Variants in SAMD7 observed in about 807,000 individuals in gnomAD.
SAMD7 encodes the protein sterile alpha motif domain containing 7.
A neutral mutation model predicts 36.7 loss-of-function variants in SAMD7; 34 were observed. The ratio of observed to expected loss-of-function variants is 0.93; its 90% CI spans 0.71 to 1.23. SAMD7 has a LOEUF of 1.23. Among genes scored for constraint, SAMD7 ranks in the 50% most tolerant of loss-of-function variants. The probability of loss-of-function intolerance (pLI) is 0.00; values close to 1 mark genes in which losing one functional copy is unlikely to be tolerated. For synonymous variants in SAMD7, 188 were observed against 189.7 expected, an observed-to-expected ratio of 0.99 and a Z score of 0.07; for missense variants, 570 against 546.6, an observed-to-expected ratio of 1.04 and a Z score of -0.43.
At chr3:169,928,398 A>G (rs560883486) in intron 6 of SAMD7, 59 bp from the exon 7 acceptor site, 2 of 1,469,530 alleles carry the variant, frequency 1.4e-6, no homozygotes, top group Non-Finnish European at 1.9e-6. Context: ...TAAGGAAATT[A>G]ATGTAACTAT....
chr3:169,924,121 A>G (rs1470793497), intron 4 of SAMD7, among the ~76,000 whole-genome samples: 1 of 152,088 alleles, frequency 6.6e-6, no homozygotes, highest in Admixed American at 6.6e-5. Context: ...TGAACTACAA[A>G]AAACCTAGAG....
intron 2 of SAMD7, among the ~76,000 whole-genome samples, chr3:169,916,185 G>T (rs755732540): frequency 5.9e-5 from 9 of 152,178 alleles, no homozygotes; most frequent in Non-Finnish European, 1.2e-4. Context: ...GACAAATACT[G>T]CATGATTCTT....
chr3:169,934,848 T>C (rs749373917), intron 7 of SAMD7, among the ~76,000 whole-genome samples: 6 of 151,984 alleles, frequency 3.9e-5, no homozygotes, highest in Admixed American at 2.0e-4. Flanking sequence ...CCTATAAAAA[T>C]GGACAAAGAA....
chr3:169,926,776 C>G lies in SAMD7; in HGVS notation c.514C>G (p.His172Asp), dbSNP rs1322829374. The G allele has an allele frequency of 1.7e-5, 27 of 1,613,846 alleles. No individual in the cohort carries two copies. The highest frequency in any genetic ancestry group is 2.2e-5 in the Non-Finnish European group (26 of 1,180,006). ...CCCCATGCTAGCGGCAACTGCACCA[C>G]ACTTTGAGGAGAGCTGGGGGCAGAG... ...GNPMLAATAP[H>D]FEESWGQRCR... Residue 172 changes from histidine (H) to aspartate (D), a missense_variant, in exon 6 of 9, where the codon CAC becomes GAC. Coordinates refer to ENST00000335556, the MANE Select transcript of SAMD7 (RefSeq NM_001304366.2).
chr3:169,921,931 TA>T (rs1713063406), intron 4 of SAMD7, among the ~76,000 whole-genome samples: 1 of 152,198 alleles, frequency 6.6e-6, no homozygotes, highest in Non-Finnish European at 1.5e-5. Context: ...CTAAATCCTG[TA>T]ATTATTTTGA....
intron 4 of SAMD7, 56 bp downstream of exon 4, chr3:169,921,394 T>C (rs1713038130): frequency 3.2e-6 from 5 of 1,562,586 alleles, no homozygotes; most frequent in Non-Finnish European, 4.4e-6. Context: ...ACTGGATGGA[T>C]GCATTAAGTT....
At position 169,927,001 on chromosome 3, in the gene SAMD7, G is replaced by A; in HGVS notation, c.739G>A (p.Ala247Thr). Reference protein sequence around the residue: ...SSETNEKPTTALANTCGELEP... With the variant: ...SSETNEKPTTTLANTCGELEP... The stretch of plus-strand genomic sequence containing the variant: ...TGAAACGAATGAAAAGCCAACGACA[G>A]CTCTTGCCAACACCTGTGGAGAGCT... The change falls in exon 6 of 9, where the codon GCT (alanine) becomes ACT (threonine). Residue 247 changes from alanine to threonine, a missense_variant. Ala to Thr is a moderately conservative substitution (Grantham distance 58, BLOSUM62 0). Transcript: ENST00000335556. 6.2e-7 allele frequency: 1 copy of A among 1,613,910 alleles called. No homozygotes were observed. The highest frequency in any genetic ancestry group is 8.5e-7 in the Non-Finnish European group (1 of 1,179,986).
chr3:169,914,336 A>G (rs1250313527), intron 1 of SAMD7, among the ~76,000 whole-genome samples: 4 of 152,220 alleles, frequency 2.6e-5, no homozygotes, highest in Admixed American at 6.5e-5. Flanking sequence ...AAACTAGGCA[A>G]TCCTTTTCTT....
chr3:169,925,366 C>A (rs1267402191), intron 5 of SAMD7, among the ~76,000 whole-genome samples: 1 of 131,822 alleles, frequency 7.6e-6, no homozygotes, highest in African/African-American at 3.1e-5. Context: ...CTTGCTTTCA[C>A]TTAAAAAAAA....
At chr3:169,933,294 A>G (rs1713589623) in intron 7 of SAMD7, 1 of 436,512 alleles carries the variant, frequency 2.3e-6, no homozygotes. Flanking sequence ...AGCACAATCA[A>G]TTCCAAATGG....
rs1452954118 is a variant in SAMD7, at chr3:169,928,495, T to G, written c.958T>G (p.Leu320Val). The change falls in exon 7 of 9, where the codon TTG becomes GTG. Residue 320 changes from leucine to valine, a missense_variant. Transcript: ENST00000335556. ...GGTTACAATTGGGGGGAATCTTTCT[T>G]TGGATGAAGATATTCAGAAGTGGAC... is the stretch of plus-strand genomic sequence containing the variant. ...ALVTIGGNLSLDEDIQKWTVD... is the reference protein window; with the variant it reads ...ALVTIGGNLSVDEDIQKWTVD... The G allele has an allele frequency of 6.2e-7, 1 of 1,613,388 alleles. No individual in the cohort carries two copies. Among genetic ancestry groups the G allele is most frequent in the Admixed American group, 1.7e-5 (1 of 60,002 alleles).
chr3:169,925,450 G>C (rs974756540), intron 5 of SAMD7, among the ~76,000 whole-genome samples: 4 of 152,172 alleles, frequency 2.6e-5, no homozygotes, highest in African/African-American at 4.8e-5. Flanking sequence ...ATCACGGCCG[G>C]GCACAGTGGC....
At chr3:169,932,953 C>G (rs1688821558) in intron 7 of SAMD7, 1 of 683,922 alleles carries the variant, frequency 1.5e-6, no homozygotes, top group African/African-American at 1.8e-5. Flanking sequence ...GCTTTGGGAA[C>G]CCCTTGCTGG....
chr3:169,917,674 C>T (rs1559948016), intron 2 of SAMD7, among the ~76,000 whole-genome samples: 1 of 145,056 alleles, frequency 6.9e-6, no homozygotes, highest in African/African-American at 2.5e-5. Context: ...CGGAGTCTCG[C>T]TCTGTCACCC....
chr3:169,922,887 T>A (rs532807172), intron 4 of SAMD7, among the ~76,000 whole-genome samples: 1 of 152,246 alleles, frequency 6.6e-6, no homozygotes, highest in Admixed American at 6.5e-5. Flanking sequence ...AAGTGTGCCA[T>A]CTGCAGAGCA....
At chr3:169,919,805 A>G (rs780064998) in intron 3 of SAMD7, among the ~76,000 whole-genome samples, 4 of 152,222 alleles carry the variant, frequency 2.6e-5, no homozygotes, top group African/African-American at 4.8e-5. Flanking sequence ...CAAATAATTA[A>G]TGAGCACATA....
intron 2 of SAMD7, among the ~76,000 whole-genome samples, chr3:169,918,759 C>G (rs1380130884): frequency 6.6e-6 from 1 of 152,156 alleles, no homozygotes; most frequent in African/African-American, 2.4e-5. Flanking sequence ...TAAATCTTAT[C>G]AACTAAATAG....
chr3:169,915,031 C>T (rs1712738756), intron 1 of SAMD7, among the ~76,000 whole-genome samples: 1 of 152,178 alleles, frequency 6.6e-6, no homozygotes, highest in Admixed American at 6.5e-5. Flanking sequence ...CTCCCTTTCT[C>T]AGTCTGAAGG....
chr3:169,933,200 A>G (rs1713586797), intron 7 of SAMD7: 2 of 679,078 alleles, frequency 2.9e-6, no homozygotes, highest in Non-Finnish European at 2.8e-6. Flanking sequence ...TGGACACTGT[A>G]TGGTAGAAGA....
Sources: gnomAD v4.1 joint callset for allele counts (sites outside exome capture counted in the v4.1 genomes callset) on GRCh38, gnomAD v4.1.1 for gene constraint, MANE v1.5 for transcripts, NCBI Gene and HGNC (gene_info 2026-07-23, HGNC 2026-07-21) for gene names.